PRKG1: variants seen among roughly 807,000 people sequenced by gnomAD.
PRKG1 encodes the protein protein kinase cGMP-dependent 1, also known as cGMP-dependent protein kinase 1.
In PRKG1, 35 loss-of-function variants were observed where a neutral mutation model predicts 88.1. The observed-to-expected ratio is 0.40, with a 90% CI of 0.30 to 0.53. PRKG1 has a LOEUF of 0.53. PRKG1 is among the 20% of genes least tolerant of loss of function. The probability of loss-of-function intolerance (pLI) is 0.59; values close to 1 mark genes in which losing one functional copy is unlikely to be tolerated. For missense variants in PRKG1, 540 were observed against 839.8 expected, an observed-to-expected ratio of 0.64 and a Z score of 4.41; for synonymous variants, 303 against 292.5, an observed-to-expected ratio of 1.04 and a Z score of -0.37.
chr10:52,093,708 T>C (rs1847109375), intron 7 of PRKG1, among the ~76,000 whole-genome samples: 1 of 152,200 alleles, frequency 6.6e-6, no homozygotes. Context: ...GTTTATTACT[T>C]CCATTTGTTA....
chr10:52,079,724 G>A (rs1817546991), intron 7 of PRKG1, among the ~76,000 whole-genome samples: 1 of 152,078 alleles, frequency 6.6e-6, no homozygotes, highest in African/African-American at 2.4e-5. Context: ...GGGGGACCAG[G>A]GTCACCTATT....
chr10:52,080,694 T>A (rs1257101573), intron 7 of PRKG1, among the ~76,000 whole-genome samples: 2 of 152,208 alleles, frequency 1.3e-5, no homozygotes, highest in Non-Finnish European at 2.9e-5. Context: ...TTGTTTTGTG[T>A]ATCATACAAA....
Position 51,737,238 on chromosome 10 carries a change from C to A in PRKG1, c.593-67347C>A, listed in dbSNP as rs368755418. 3.9e-5 allele frequency among the ~76,000 whole-genome samples: 6 copies of A among 152,228 alleles called. No homozygotes were observed. In the East Asian group the frequency reaches 7.7e-4, roughly 20 times the overall value. On this transcript the variant is annotated intron_variant, in intron 3 of 17. Transcript: ENST00000373980. ...CCCCCACTCCCACATTCTTCCCCTGCCAATTGTTTTTCCATATAGCTACTG... is the reference window on the plus strand; with the variant it reads ...CCCCCACTCCCACATTCTTCCCCTGACAATTGTTTTTCCATATAGCTACTG...
chr10:52,139,259 A>G (rs543823303), intron 8 of PRKG1, among the ~76,000 whole-genome samples: 1 of 152,276 alleles, frequency 6.6e-6, no homozygotes, highest in South Asian at 2.1e-4. Flanking sequence ...ATTAGAGACA[A>G]ATTGGTGTCT....
intron 1 of PRKG1, among the ~76,000 whole-genome samples, chr10:51,116,870 T>C (rs982377786): frequency 6.6e-6 from 1 of 152,124 alleles, no homozygotes; most frequent in Non-Finnish European, 1.5e-5. Flanking sequence ...TGTTCCACCC[T>C]TTGGCATCTC....
chr10:51,664,458 C>T (rs1840374600), intron 3 of PRKG1, among the ~76,000 whole-genome samples: 1 of 152,108 alleles, frequency 6.6e-6, no homozygotes, highest in Admixed American at 6.6e-5. Flanking sequence ...TCACTTACTA[C>T]CCACTTGAAA....
At chr10:51,801,137 C>T (rs1200859761) in intron 3 of PRKG1, among the ~76,000 whole-genome samples, 1 of 152,006 alleles carries the variant, frequency 6.6e-6, no homozygotes, top group Non-Finnish European at 1.5e-5. Flanking sequence ...TTGTACTAGA[C>T]CAGGAATCAG....
intron 3 of PRKG1, among the ~76,000 whole-genome samples, chr10:51,743,208 G>A (rs919774840): frequency 3.9e-5 from 6 of 152,058 alleles, no homozygotes; most frequent in Non-Finnish European, 8.8e-5. Flanking sequence ...GGACAGACGC[G>A]GTAACAGGGC....
At chr10:51,885,860 G>A (rs528119267) in intron 4 of PRKG1, among the ~76,000 whole-genome samples, 8 of 152,096 alleles carry the variant, frequency 5.3e-5, no homozygotes, top group East Asian at 1.9e-4. Context: ...TTCATGAGAC[G>A]TTATTATATT....
intron 7 of PRKG1, among the ~76,000 whole-genome samples, chr10:52,083,203 G>GT (rs1846824373): frequency 6.6e-6 from 1 of 151,880 alleles, no homozygotes; most frequent in Non-Finnish European, 1.5e-5. Context: ...TTAATTTGAT[G>GT]TTTTTCGTAA....
At chr10:51,891,935 G>T (rs1389609161) in intron 4 of PRKG1, among the ~76,000 whole-genome samples, 1 of 152,140 alleles carries the variant, frequency 6.6e-6, no homozygotes, top group Non-Finnish European at 1.5e-5. Flanking sequence ...GCAGGAAAAA[G>T]GGAAGGAAGG....
chr10:51,108,805 T>C (rs1430331073), intron 1 of PRKG1, among the ~76,000 whole-genome samples: 1 of 152,148 alleles, frequency 6.6e-6, no homozygotes, highest in Non-Finnish European at 1.5e-5. Context: ...TATATTTATA[T>C]TGGAAAGGAT....
At chr10:51,985,515 G>A (rs1844131599) in intron 5 of PRKG1, among the ~76,000 whole-genome samples, 1 of 152,202 alleles carries the variant, frequency 6.6e-6, no homozygotes, top group African/African-American at 2.4e-5. Flanking sequence ...TGTATCACTT[G>A]TTCTTTTTTA....
chr10:52,258,365 CCAAGAAATATTATTTCTTTAATA>C lies in PRKG1; in HGVS notation c.1173+6700_1173+6722del, dbSNP rs1841355640. 1.6e-5 allele frequency among the ~76,000 whole-genome samples: 2 copies of C among 125,690 alleles called. 1 individual carries two copies. The highest frequency in any genetic ancestry group is 5.1e-4 in the South Asian group (2 of 3,926). The allele number at this position is 125,690 out of a possible 152,430, so 82.5% of individuals were successfully genotyped here. On this transcript the variant is annotated intron_variant, in intron 10 of 17. Transcript: ENST00000373980. Reference sequence around the variant, plus strand: ...ATGACATAAATATTATTTCTTTAATCCAAGAAATATTATTTCTTTAATAAAATAACCTTTCATTTGAACCCTAC... The same window carrying C: ...ATGACATAAATATTATTTCTTTAATCAAATAACCTTTCATTTGAACCCTAC...
chr10:51,413,722 G>T (rs1188346137), intron 2 of PRKG1, among the ~76,000 whole-genome samples: 1 of 152,176 alleles, frequency 6.6e-6, no homozygotes, highest in Non-Finnish European at 1.5e-5. Context: ...ACATTATTAA[G>T]AGATTGAATG....
At chr10:51,628,026 C>G (rs1420457686) in intron 3 of PRKG1, among the ~76,000 whole-genome samples, 2 of 129,912 alleles carry the variant, frequency 1.5e-5, no homozygotes, top group African/African-American at 2.9e-5. Flanking sequence ...TTCTTTCTTT[C>G]TTTCTTTCTT....
intron 8 of PRKG1, among the ~76,000 whole-genome samples, chr10:52,154,200 T>C (rs535271543): frequency 4.6e-5 from 7 of 152,320 alleles, no homozygotes; most frequent in African/African-American, 1.7e-4. Flanking sequence ...ATACTTTAGG[T>C]TAAAATTAGC....
At chr10:51,140,531 T>G (rs1845795387) in intron 1 of PRKG1, among the ~76,000 whole-genome samples, 2 of 152,226 alleles carry the variant, frequency 1.3e-5, no homozygotes, top group East Asian at 1.9e-4. Flanking sequence ...AACCATTATT[T>G]TAACTAACAT....
At chr10:51,182,120 C>T (rs1837363845) in intron 2 of PRKG1, among the ~76,000 whole-genome samples, 1 of 152,086 alleles carries the variant, frequency 6.6e-6, no homozygotes, top group Non-Finnish European at 1.5e-5. Context: ...TATGACATAC[C>T]TCTGGTATAT....
Sources: gnomAD v4.1 joint callset for allele counts (sites outside exome capture counted in the v4.1 genomes callset) on GRCh38, gnomAD v4.1.1 for gene constraint, MANE v1.5 for transcripts, NCBI Gene and HGNC (gene_info 2026-07-23, HGNC 2026-07-21) for gene names.